LHFPL1: variants seen among roughly 807,000 people sequenced by gnomAD.
The protein encoded by LHFPL1 is LHFPL tetraspan subfamily member 1 protein.
A neutral mutation model predicts 12.1 loss-of-function variants in LHFPL1; 4 were observed. The observed-to-expected ratio is 0.33, with a 90% CI of 0.16 to 0.76. The LOEUF is 0.76. LHFPL1 is among the 30% of genes least tolerant of loss of function. LHFPL1 has a pLI of 0.61. For missense variants in LHFPL1, 141 were observed against 174.1 expected, an observed-to-expected ratio of 0.81 and a Z score of 1.07; for synonymous variants, 52 against 61.9, an observed-to-expected ratio of 0.84 and a Z score of 0.75.
rs138350409 is a variant in LHFPL1, at chrX:112,667,026, C to T, written c.382+3983G>A. 3.3e-3 allele frequency among the ~76,000 whole-genome samples: 365 copies of T among 111,908 alleles called. 2 individuals carry two copies. Among genetic ancestry groups the T allele is most frequent in the African/African-American group, 0.011 (349 of 30,807 alleles). On this transcript the variant is annotated intron_variant, in intron 2 of 3. Transcript: ENST00000371968. ...GAATACCACTTCCCAAACAGAAAAT[C>T]GCTTTCATAATCCTTTCTCAGCATG...
intron 3 of LHFPL1, among the ~76,000 whole-genome samples, chrX:112,638,718 A>G (rs930752807): frequency 9.0e-6 from 1 of 111,638 alleles, no homozygotes; most frequent in African/African-American, 3.3e-5. Context: ...TTTTCTGAAA[A>G]TAATAAAACA....
intron 3 of LHFPL1, among the ~76,000 whole-genome samples, chrX:112,650,043 A>T (rs776440075): frequency 9.0e-6 from 1 of 110,500 alleles, no homozygotes; most frequent in East Asian, 2.8e-4. Context: ...TCCCCTGTCT[A>T]TATGCCATTG....
At chrX:112,676,388 A>G (rs10521555) in intron 1 of LHFPL1, among the ~76,000 whole-genome samples, 25,710 of 110,995 alleles carry the variant, frequency 0.23, 4,741 homozygotes, top group African/African-American at 0.63. Context: ...TAGAGTGGTC[A>G]AGTTACCAGG....
intron 3 of LHFPL1, among the ~76,000 whole-genome samples, chrX:112,654,624 A>C (rs1374038006): frequency 9.1e-6 from 1 of 110,213 alleles, no homozygotes; most frequent in African/African-American, 3.3e-5. Flanking sequence ...AAAATTCTGG[A>C]GAATATAAAA....
chrX:112,669,687 CT>C (rs1326335528), intron 2 of LHFPL1, among the ~76,000 whole-genome samples: 1 of 112,160 alleles, frequency 8.9e-6, no homozygotes, highest in Non-Finnish European at 1.9e-5. Context: ...CTGGATACCT[CT>C]TTGTTGTTGT....
At chrX:112,649,599 T>C (rs1439454364) in intron 3 of LHFPL1, among the ~76,000 whole-genome samples, 1 of 112,033 alleles carries the variant, frequency 8.9e-6, no homozygotes, top group African/African-American at 3.2e-5. Context: ...CTATGAAAAA[T>C]ACACGAGAGA....
intron 3 of LHFPL1, among the ~76,000 whole-genome samples, chrX:112,660,411 G>C (rs5974248): frequency 0.016 from 1,773 of 111,893 alleles, 32 homozygotes; most frequent in African/African-American, 0.055. Flanking sequence ...ACTGGTCATA[G>C]GTCCCCGGGC....
At chrX:112,646,975 T>G (rs1056050836) in intron 3 of LHFPL1, among the ~76,000 whole-genome samples, 1 of 111,932 alleles carries the variant, frequency 8.9e-6, no homozygotes, top group African/African-American at 3.2e-5. Context: ...CTGTGTGACC[T>G]TACACAAGTC....
intron 3 of LHFPL1, among the ~76,000 whole-genome samples, chrX:112,652,658 GT>G (rs1430660172): frequency 9.0e-6 from 1 of 111,312 alleles, no homozygotes; most frequent in African/African-American, 3.3e-5. Context: ...GATCTATTTT[GT>G]TTGGACATTC....
At chrX:112,676,490 C>T (rs1931657280) in intron 1 of LHFPL1, among the ~76,000 whole-genome samples, 1 of 111,869 alleles carries the variant, frequency 8.9e-6, no homozygotes. Flanking sequence ...GGCCGCAAGC[C>T]TGTTTCCGAG....
At chrX:112,634,424 A>G (rs1426826902) in intron 3 of LHFPL1, among the ~76,000 whole-genome samples, 1 of 111,380 alleles carries the variant, frequency 9.0e-6, no homozygotes, top group Admixed American at 9.5e-5. Context: ...AGGTGGGCCC[A>G]TTGCCAAGCA....
At chrX:112,646,850 A>C (rs555025556) in intron 3 of LHFPL1, among the ~76,000 whole-genome samples, 12 of 111,500 alleles carry the variant, frequency 1.1e-4, no homozygotes, top group African/African-American at 3.3e-4. Context: ...CTAAAGAAAA[A>C]AAATTCTCAA....
intron 2 of LHFPL1, among the ~76,000 whole-genome samples, chrX:112,663,158 C>A (rs1486617691): frequency 9.0e-6 from 1 of 111,494 alleles, no homozygotes; most frequent in Non-Finnish European, 1.9e-5. Flanking sequence ...AGGAAGTCTT[C>A]CCTCGCTATC....
intron 3 of LHFPL1, among the ~76,000 whole-genome samples, chrX:112,632,291 T>C (rs754552234): frequency 9.0e-6 from 1 of 111,635 alleles, no homozygotes; most frequent in Non-Finnish European, 1.9e-5. Context: ...AGTGGGTAGT[T>C]TTCTCTTTAA....
chrX:112,634,130 T>C (rs1930268703), intron 3 of LHFPL1, among the ~76,000 whole-genome samples: 1 of 111,959 alleles, frequency 8.9e-6, no homozygotes. Flanking sequence ...CAAACCATAA[T>C]ATGAGGCTCC....
intron 3 of LHFPL1, among the ~76,000 whole-genome samples, chrX:112,658,372 C>T (rs1259835812): frequency 9.6e-6 from 1 of 103,802 alleles, no homozygotes. Flanking sequence ...TTGCAGTGAG[C>T]AGAGATCGCA....
At chrX:112,664,222 C>T (rs1931267610) in intron 2 of LHFPL1, among the ~76,000 whole-genome samples, 1 of 112,007 alleles carries the variant, frequency 8.9e-6, no homozygotes, top group Admixed American at 9.5e-5. Context: ...CCTACAGATA[C>T]GGAAGGCTGA....
In LHFPL1 at chrX:112,647,787, A is replaced by C. The variant is rs1930737671; in HGVS notation, c.481+12840T>G. ...TTGGCAATTCCTCAAGAATCTAGAA[A>C]CAGAAATACCATTTGACCCAGCAAT... On this transcript the variant is annotated intron_variant, in intron 3 of 3. Transcript: ENST00000371968. Among the ~76,000 whole-genome samples the C allele has an allele frequency of 2.7e-5, 3 of 111,952 alleles. No individual in the cohort carries two copies. In the South Asian group the frequency reaches 1.1e-3, roughly 42 times the overall value.
At chrX:112,669,339 T>C (rs186406905) in intron 2 of LHFPL1, among the ~76,000 whole-genome samples, 3 of 112,592 alleles carry the variant, frequency 2.7e-5, no homozygotes, top group East Asian at 5.6e-4. Context: ...GTAATACCCA[T>C]GGAGCTTCCA....
Sources: allele counts gnomAD v4.1 joint callset (sites outside exome capture counted in the v4.1 genomes callset), GRCh38; gene constraint gnomAD v4.1.1; transcripts MANE v1.5; gene names NCBI Gene and HGNC (gene_info 2026-07-23, HGNC 2026-07-21).